Variants in PTPRT observed in about 807,000 individuals in gnomAD.
The protein encoded by PTPRT is receptor-type tyrosine-protein phosphatase T.
PTPRT carries 56 observed loss-of-function variants against 176.8 expected under a neutral mutation model. The ratio of observed to expected loss-of-function variants is 0.32; its 90% CI spans 0.26 to 0.40. PTPRT has a LOEUF of 0.40. Ranked by LOEUF, PTPRT falls within the 10% of genes least tolerant of loss-of-function variation. The pLI is 1.00. For synonymous variants in PTPRT, 783 were observed against 739.0 expected, an observed-to-expected ratio of 1.06 and a Z score of -0.96; for missense variants, 1,540 against 1,908.2, an observed-to-expected ratio of 0.81 and a Z score of 3.60.
intron 9 of PTPRT, among the ~76,000 whole-genome samples, chr20:42,399,708 T>C (rs1014393727): frequency 6.6e-6 from 1 of 152,188 alleles, no homozygotes; most frequent in African/African-American, 2.4e-5. Flanking sequence ...GGCTCCTTTT[T>C]TCCTAGCAGC....
chr20:42,735,949 C>A (rs1427243768), intron 6 of PTPRT, among the ~76,000 whole-genome samples: 1 of 152,116 alleles, frequency 6.6e-6, no homozygotes, highest in Non-Finnish European at 1.5e-5. Flanking sequence ...TGATTCCTCA[C>A]CTAGAAAATA....
At chr20:42,502,403 C>T (rs1327954649) in intron 7 of PTPRT, among the ~76,000 whole-genome samples, 1 of 112,296 alleles carries the variant, frequency 8.9e-6, no homozygotes. Context: ...CATATGTATA[C>T]AAACACACAC....
chr20:43,163,326 G>A (rs980591429), intron 1 of PTPRT, among the ~76,000 whole-genome samples: 5 of 152,080 alleles, frequency 3.3e-5, no homozygotes, highest in African/African-American at 9.7e-5. Context: ...CGTGGTCCAC[G>A]CAGTACAACT....
chr20:42,601,915 G>A (rs2073789699), intron 7 of PTPRT, among the ~76,000 whole-genome samples: 1 of 152,084 alleles, frequency 6.6e-6, no homozygotes, highest in Non-Finnish European at 1.5e-5. Flanking sequence ...GTCTGTGCCG[G>A]GCAGGATGCA....
At chr20:43,151,876 AG>A (rs944172273) in intron 1 of PTPRT, among the ~76,000 whole-genome samples, 4 of 152,012 alleles carry the variant, frequency 2.6e-5, no homozygotes, top group Admixed American at 1.3e-4. Flanking sequence ...AAAAAAAAAA[AG>A]AAACCAAGAA....
At chr20:42,916,571 A>G (rs990081801) in intron 1 of PTPRT, among the ~76,000 whole-genome samples, 10 of 152,220 alleles carry the variant, frequency 6.6e-5, no homozygotes, top group African/African-American at 2.2e-4. Context: ...ACTAGTTTAC[A>G]GTCCCACCAA....
rs539432181 is a variant in PTPRT at position 42,254,627 on chromosome 20, AG to A, written c.2177-5806del. On this transcript the variant is annotated intron_variant, in intron 13 of 30. Coordinates refer to ENST00000373187, the MANE Select transcript of PTPRT (RefSeq NM_007050.6). ...AGCTGTATCACTGGGTAGAAGTGAC[AG>A]GGGGTAGATTAGGAATCAACACAGG... Among the ~76,000 whole-genome samples the A allele has an allele frequency of 3.4e-3, 524 of 152,312 alleles. 3 individuals carry two copies. The highest frequency in any genetic ancestry group is 3.6e-3 in the Non-Finnish European group (245 of 68,024).
intron 1 of PTPRT, among the ~76,000 whole-genome samples, chr20:43,183,161 G>C (rs576949755): frequency 6.6e-6 from 1 of 152,310 alleles, no homozygotes; most frequent in South Asian, 2.1e-4. Context: ...CCAAATTGAT[G>C]AGGGGAAAAA....
chr20:43,096,707 C>T (rs1442149510), intron 1 of PTPRT, among the ~76,000 whole-genome samples: 1 of 152,228 alleles, frequency 6.6e-6, no homozygotes, highest in African/African-American at 2.4e-5. Flanking sequence ...TCACCTCCCC[C>T]ATCCCCAAGG....
At chr20:42,195,359 G>T (rs1173001767) in intron 16 of PTPRT, among the ~76,000 whole-genome samples, 1 of 152,194 alleles carries the variant, frequency 6.6e-6, no homozygotes, top group African/African-American at 2.4e-5. Context: ...GCCTCCTAAA[G>T]ACACCGATTC....
chr20:42,859,438 C>T (rs2078621280), intron 2 of PTPRT, among the ~76,000 whole-genome samples: 1 of 152,098 alleles, frequency 6.6e-6, no homozygotes, highest in Admixed American at 6.6e-5. Flanking sequence ...CACCTGGTTG[C>T]CAGAGGTCTC....
At chr20:42,128,990 T>C (rs1341560869) in intron 18 of PTPRT, among the ~76,000 whole-genome samples, 160 bp from the exon 19 acceptor site, 1 of 152,226 alleles carries the variant, frequency 6.6e-6, no homozygotes, top group East Asian at 1.9e-4. Flanking sequence ...CATTTATAGA[T>C]GAGGAAGTGG....
At chr20:43,142,876 A>G (rs1007427828) in intron 1 of PTPRT, among the ~76,000 whole-genome samples, 6 of 152,194 alleles carry the variant, frequency 3.9e-5, no homozygotes, top group Non-Finnish European at 4.4e-5. Flanking sequence ...ACAGAAAGAG[A>G]GCACTTAACT....
intron 1 of PTPRT, among the ~76,000 whole-genome samples, chr20:43,005,618 C>G (rs916311877): frequency 6.6e-6 from 1 of 152,200 alleles, no homozygotes; most frequent in Non-Finnish European, 1.5e-5. Flanking sequence ...CACTGTGTGT[C>G]TCCTTCACTG....
At chr20:42,708,886 T>C (rs2076100946) in intron 6 of PTPRT, among the ~76,000 whole-genome samples, 1 of 152,188 alleles carries the variant, frequency 6.6e-6, no homozygotes, top group Admixed American at 6.5e-5. Flanking sequence ...TTGCTAGCAT[T>C]GGCATTAACG....
At chr20:42,998,459 C>T (rs1335935008) in intron 1 of PTPRT, among the ~76,000 whole-genome samples, 1 of 152,002 alleles carries the variant, frequency 6.6e-6, no homozygotes, top group African/African-American at 2.4e-5. Flanking sequence ...ATGAATTAAT[C>T]ATATTGGAGT....
the PTPRT span, among the ~76,000 whole-genome samples, chr20:42,057,099 C>T: frequency 2.0e-5 from 3 of 152,232 alleles, no homozygotes; most frequent in Admixed American, 6.5e-5. Flanking sequence ...TATTGTATAT[C>T]TGCCTCCCGC....
Position 42,087,401 on chromosome 20 carries a change from A to AT in PTPRT, c.3847-1549dup, listed in dbSNP as rs1009683952. 5.4e-5 allele frequency among the ~76,000 whole-genome samples: 8 copies of AT among 148,526 alleles called. No individual in the cohort carries two copies. In the South Asian group the frequency reaches 1.5e-3, roughly 28 times the overall value. On this transcript the variant is annotated intron_variant, in intron 27 of 30. Coordinates refer to ENST00000373187, the MANE Select transcript of PTPRT (RefSeq NM_007050.6). Reference sequence around the variant, plus strand: ...ATGTGCCATCACACCCGGCTATTTTATTTTTTTTATTTTTATTTTGTGTTT... The same window carrying AT: ...ATGTGCCATCACACCCGGCTATTTTATTTTTTTTTATTTTTATTTTGTGTTT...
intron 17 of PTPRT, among the ~76,000 whole-genome samples, chr20:42,159,878 C>G (rs1847829050): frequency 6.6e-6 from 1 of 152,104 alleles, no homozygotes; most frequent in Non-Finnish European, 1.5e-5. Context: ...AATTTTAAAA[C>G]TCAGATAGCA....
Sources: gnomAD v4.1 joint callset for allele counts (sites outside exome capture counted in the v4.1 genomes callset) on GRCh38, gnomAD v4.1.1 for gene constraint, MANE v1.5 for transcripts, NCBI Gene and HGNC (gene_info 2026-07-23, HGNC 2026-07-21) for gene names.